PSD3: variants seen among roughly 807,000 people sequenced by gnomAD.
The protein encoded by PSD3 is pleckstrin and Sec7 domain containing 3, also known as PH and SEC7 domain-containing protein 3.
In PSD3, 49 loss-of-function variants were observed where a neutral mutation model predicts 105.5. The observed-to-expected ratio is 0.46, with a 90% CI of 0.37 to 0.59. PSD3 has a LOEUF of 0.59. PSD3 is among the 20% of genes least tolerant of loss of function. The pLI is 0.00. For missense variants in PSD3, 1,561 were observed against 1,263.8 expected (o/e 1.24, Z -3.57); for synonymous variants, 557 against 457.8 (o/e 1.22, Z -2.77).
intron 4 of PSD3, among the ~76,000 whole-genome samples, chr8:18,860,496 G>C (rs963537096): frequency 6.6e-6 from 1 of 151,698 alleles, no homozygotes; most frequent in Non-Finnish European, 1.5e-5. Flanking sequence ...GAGCAATAAA[G>C]CTAAGTGCAA....
At chr8:18,654,654 T>A (rs551969316) in intron 10 of PSD3, among the ~76,000 whole-genome samples, 1 of 152,214 alleles carries the variant, frequency 6.6e-6, no homozygotes, top group African/African-American at 2.4e-5. Flanking sequence ...CCTGAAACAC[T>A]ATATGTCACT....
At chr8:18,668,399 A>T (rs1039500015) in intron 9 of PSD3, among the ~76,000 whole-genome samples, 2 of 152,216 alleles carry the variant, frequency 1.3e-5, no homozygotes, top group Non-Finnish European at 2.9e-5. Context: ...ATTTCAAATA[A>T]CTGATCTTCC....
intron 2 of PSD3, among the ~76,000 whole-genome samples, chr8:18,909,205 A>C (rs1297585713): frequency 6.6e-6 from 1 of 152,220 alleles, no homozygotes; most frequent in African/African-American, 2.4e-5. Flanking sequence ...GGGTTTCCCT[A>C]AAACCAACAA....
intron 11 of PSD3, among the ~76,000 whole-genome samples, chr8:18,608,950 G>A (rs1384656760): frequency 6.6e-6 from 1 of 152,060 alleles, no homozygotes; most frequent in Non-Finnish European, 1.5e-5. Flanking sequence ...ATCTTGTCCT[G>A]TTTTTTGACC....
intron 11 of PSD3, among the ~76,000 whole-genome samples, chr8:18,607,303 T>C (rs10092181): frequency 0.026 from 3,912 of 152,268 alleles, 183 homozygotes; most frequent in African/African-American, 0.089. Context: ...CTAATATTAC[T>C]AATAATTACA....
intron 1 of PSD3, among the ~76,000 whole-genome samples, chr8:18,951,547 G>A (rs1823235909): frequency 6.6e-6 from 1 of 152,190 alleles, no homozygotes; most frequent in Non-Finnish European, 1.5e-5. Context: ...GCACTGACAA[G>A]TTAGGATTTC....
At chr8:18,698,092 G>T (rs1801362767) in intron 9 of PSD3, among the ~76,000 whole-genome samples, 2 of 151,964 alleles carry the variant, frequency 1.3e-5, no homozygotes, top group South Asian at 4.2e-4. Flanking sequence ...GGGCACACAG[G>T]ATGTATTTTT....
intron 1 of PSD3, among the ~76,000 whole-genome samples, chr8:19,029,262 T>G (rs1827673844): frequency 6.6e-6 from 1 of 152,220 alleles, no homozygotes; most frequent in South Asian, 2.1e-4. Flanking sequence ...ATTGAAAATC[T>G]CAACAATTTG....
rs572796524 is a variant in PSD3, at chr8:18,605,712, C to T, written c.2411-5278G>A. 3.3e-5 allele frequency among the ~76,000 whole-genome samples: 5 copies of T among 152,180 alleles called. No homozygotes were observed. The South Asian group carries it at 8.3e-4, about 25-fold the overall frequency. On this transcript the variant is annotated intron_variant, in intron 11 of 15. Coordinates refer to ENST00000327040, the MANE Select transcript of PSD3 (RefSeq NM_015310.4). Reference sequence around the variant, plus strand: ...GTAATTCCCAGTGTTGGAGGTGGGGCCTGGTGGGAGGTAATTGGATCATGA... The same window carrying T: ...GTAATTCCCAGTGTTGGAGGTGGGGTCTGGTGGGAGGTAATTGGATCATGA...
intron 9 of PSD3, among the ~76,000 whole-genome samples, chr8:18,750,218 A>G (rs894786303): frequency 2.6e-5 from 4 of 152,334 alleles, no homozygotes; most frequent in Non-Finnish European, 5.9e-5. Context: ...ACTGACTTCA[A>G]GAATGAAGCC....
intron 6 of PSD3, among the ~76,000 whole-genome samples, chr8:18,802,090 G>C (rs1053174510): frequency 6.6e-6 from 1 of 152,054 alleles, no homozygotes; most frequent in Non-Finnish European, 1.5e-5. Flanking sequence ...AAGCCACTAT[G>C]GATTGCATTG....
chr8:18,771,565 T>C (rs1807532956), intron 8 of PSD3, among the ~76,000 whole-genome samples: 1 of 152,222 alleles, frequency 6.6e-6, no homozygotes, highest in Non-Finnish European at 1.5e-5. Context: ...CATGTGGATA[T>C]TCAGTTGTTA....
At chr8:18,831,590 C>T (rs543136275) in intron 4 of PSD3, among the ~76,000 whole-genome samples, 10 of 152,068 alleles carry the variant, frequency 6.6e-5, no homozygotes, top group Non-Finnish European at 1.2e-4. Context: ...GGAGTGGTGG[C>T]GGGCGCCTAT....
At chr8:19,063,554 C>G (rs912174085) in intron 1 of PSD3, among the ~76,000 whole-genome samples, 9 of 152,132 alleles carry the variant, frequency 5.9e-5, no homozygotes, top group African/African-American at 2.2e-4. Flanking sequence ...ACAGGTATTA[C>G]CATCCCTGTT....
At chr8:18,844,076 T>C (rs1814876487) in intron 4 of PSD3, among the ~76,000 whole-genome samples, 2 of 152,278 alleles carry the variant, frequency 1.3e-5, no homozygotes, top group South Asian at 4.1e-4. Context: ...GTCCAGCAGC[T>C]GGCTCTATGG....
At chr8:19,041,077 T>C (rs773203389) in intron 1 of PSD3, among the ~76,000 whole-genome samples, 27 of 151,948 alleles carry the variant, frequency 1.8e-4, no homozygotes, top group Non-Finnish European at 4.0e-4. Flanking sequence ...ATGTGTTTTT[T>C]ATAGAGACAT....
intron 8 of PSD3, among the ~76,000 whole-genome samples, chr8:18,773,104 G>A (rs886352893): frequency 1.6e-4 from 24 of 152,190 alleles, no homozygotes; most frequent in African/African-American, 5.1e-4. Flanking sequence ...ATACAATAAC[G>A]TGATGTTTTT....
intron 9 of PSD3, among the ~76,000 whole-genome samples, chr8:18,674,598 A>G (rs913154849): frequency 1.3e-5 from 2 of 152,242 alleles, no homozygotes; most frequent in African/African-American, 4.8e-5. Flanking sequence ...ACAGTCTAAG[A>G]GATCACAGCA....
At chr8:18,636,840 C>T (rs1382479531) in intron 10 of PSD3, among the ~76,000 whole-genome samples, 1 of 152,188 alleles carries the variant, frequency 6.6e-6, no homozygotes, top group Non-Finnish European at 1.5e-5. Context: ...GATGTTCACA[C>T]AGTGATGAAT....
Sources: allele counts gnomAD v4.1 joint callset (sites outside exome capture counted in the v4.1 genomes callset), GRCh38; gene constraint gnomAD v4.1.1; transcripts MANE v1.5; gene names NCBI Gene and HGNC (gene_info 2026-07-23, HGNC 2026-07-21).